Variants in ASCC3 observed in about 807,000 individuals in gnomAD.
ASCC3 encodes ASC-1 complex subunit P200.
In ASCC3, 158 loss-of-function variants were observed where a neutral mutation model predicts 256.3. The ratio of observed to expected loss-of-function variants is 0.62; its 90% CI spans 0.54 to 0.70. ASCC3 has a LOEUF of 0.70. Among genes scored for constraint, ASCC3 ranks in the 30% least tolerant of loss-of-function variants. The pLI is 0.00. For synonymous variants in ASCC3, 948 were observed against 883.4 expected (o/e 1.07, Z -1.30); for missense variants, 2,259 against 2,626.0 (o/e 0.86, Z 3.05).
chr6:100,833,194 A>C (rs1017534321), intron 4 of ASCC3, among the ~76,000 whole-genome samples: 2 of 152,200 alleles, frequency 1.3e-5, no homozygotes, highest in East Asian at 3.8e-4. Context: ...TAAGAAAAGA[A>C]ACCAATCTGA....
At chr6:100,554,992 A>C (rs1769496311) in intron 36 of ASCC3, among the ~76,000 whole-genome samples, 1 of 151,948 alleles carries the variant, frequency 6.6e-6, no homozygotes, top group African/African-American at 2.4e-5. Flanking sequence ...AAACTTTATA[A>C]ATCATATATC....
intron 37 of ASCC3, among the ~76,000 whole-genome samples, chr6:100,523,833 C>T (rs1417836403): frequency 3.3e-5 from 5 of 152,190 alleles, no homozygotes; most frequent in East Asian, 1.9e-4. Context: ...AGCTTGACAA[C>T]GTATCTTCTA....
intron 10 of ASCC3, among the ~76,000 whole-genome samples, chr6:100,733,506 C>T (rs1780006368): frequency 6.6e-6 from 1 of 152,178 alleles, no homozygotes; most frequent in Admixed American, 6.6e-5. Flanking sequence ...CTTTTGCTTT[C>T]CGCCACTTAG....
chr6:100,730,265 C>A (rs1779839816), intron 10 of ASCC3, among the ~76,000 whole-genome samples: 1 of 150,740 alleles, frequency 6.6e-6, no homozygotes, highest in Non-Finnish European at 1.5e-5. Flanking sequence ...CCACTGCACT[C>A]CAGCCTGGGA....
At chr6:100,873,132 T>TAAAACAAATAAA (rs144017505) in intron 1 of ASCC3, among the ~76,000 whole-genome samples, 1 of 151,668 alleles carries the variant, frequency 6.6e-6, no homozygotes, top group Non-Finnish European at 1.5e-5. Context: ...TTATGGAAAT[T>TAAAACAAATAAA]TAAATAAACA....
chr6:100,718,678 T>C (rs541362784), intron 11 of ASCC3, among the ~76,000 whole-genome samples: 1 of 152,240 alleles, frequency 6.6e-6, no homozygotes, highest in East Asian at 1.9e-4. Flanking sequence ...GAGGATCACT[T>C]GAGCCCATAT....
chr6:100,728,229 CA>C (rs1406745163), intron 10 of ASCC3, among the ~76,000 whole-genome samples: 1 of 150,548 alleles, frequency 6.6e-6, no homozygotes, highest in African/African-American at 2.4e-5. Flanking sequence ...TAAAAAAACA[CA>C]AAAAAGAAGG....
At chr6:100,651,668 T>G (rs554699484) in intron 18 of ASCC3, 22 bp from the exon 19 acceptor site, 121 of 1,249,794 alleles carry the variant, frequency 9.7e-5, no homozygotes, top group Middle Eastern at 8.0e-4. Flanking sequence ...AGTGTTATAT[T>G]TGATTAAAAT....
intron 30 of ASCC3, among the ~76,000 whole-genome samples, chr6:100,619,790 G>A (rs888457324): frequency 7.9e-5 from 12 of 151,710 alleles, no homozygotes; most frequent in African/African-American, 2.4e-4. Flanking sequence ...TGTAGAATAC[G>A]GCATTAGTTA....
chr6:100,868,694 T>G (rs547221951), intron 1 of ASCC3, among the ~76,000 whole-genome samples: 1 of 152,126 alleles, frequency 6.6e-6, no homozygotes, highest in East Asian at 1.9e-4. Context: ...CCCCAGCAAA[T>G]AGACAACAGA....
intron 36 of ASCC3, among the ~76,000 whole-genome samples, chr6:100,578,344 G>A (rs934996086): frequency 6.6e-6 from 1 of 151,846 alleles, no homozygotes; most frequent in Non-Finnish European, 1.5e-5. Context: ...GGTGGTTTGG[G>A]GTACAGATTA....
chr6:100,646,803 C>A, intron 21 of ASCC3, 34 bp from the exon 22 acceptor site: 1 of 1,605,342 alleles, frequency 6.2e-7, no homozygotes, highest in South Asian at 1.1e-5. Flanking sequence ...AGAAATGTGT[C>A]CAGGCAGAAA....
intron 36 of ASCC3, among the ~76,000 whole-genome samples, chr6:100,580,708 A>G (rs1234259129): frequency 2.0e-5 from 3 of 150,724 alleles, no homozygotes; most frequent in Non-Finnish European, 3.0e-5. Context: ...CATTAGGTAT[A>G]TCTCCCAATG....
intron 30 of ASCC3, among the ~76,000 whole-genome samples, chr6:100,614,499 A>G (rs911184678): frequency 2.0e-5 from 3 of 152,182 alleles, no homozygotes; most frequent in Admixed American, 2.0e-4. Flanking sequence ...CAACATTCCT[A>G]TGAGGATGGG....
Position 100,655,941 on chromosome 6 carries a change from T to C in ASCC3, c.2704-123A>G, listed in dbSNP as rs977842752. On this transcript the variant is annotated intron_variant, in intron 16 of 41. Transcript: ENST00000369162. ...TCATTATGCAGTATTTTTAAAAAGGTAGGCATAGTGACTGGACACAACACT... is the reference window on the plus strand; with the variant it reads ...TCATTATGCAGTATTTTTAAAAAGGCAGGCATAGTGACTGGACACAACACT... The C allele has an allele frequency of 1.3e-5, 15 of 1,152,020 alleles. No individual in the cohort carries two copies. In the Admixed American group the frequency reaches 2.1e-4, roughly 16 times the overall value. 71.4% of individuals were successfully genotyped at this position (1,152,020 alleles called of 1,614,324 possible).
At chr6:100,860,722 A>T (rs532773167) in intron 3 of ASCC3, among the ~76,000 whole-genome samples, 1 of 152,198 alleles carries the variant, frequency 6.6e-6, no homozygotes, top group Admixed American at 6.6e-5. Flanking sequence ...CAAGTACTCT[A>T]AATAAGTATG....
chr6:100,783,219 A>G (rs899435518), intron 8 of ASCC3, among the ~76,000 whole-genome samples: 1 of 152,120 alleles, frequency 6.6e-6, no homozygotes, highest in Non-Finnish European at 1.5e-5. Context: ...ATTCTACACC[A>G]TATGTCCCCT....
intron 10 of ASCC3, among the ~76,000 whole-genome samples, chr6:100,748,336 T>A (rs905176270): frequency 2.0e-5 from 3 of 151,436 alleles, no homozygotes; most frequent in African/African-American, 7.3e-5. Context: ...AAAAAAAAAA[T>A]GAGGAAGCAG....
At chr6:100,550,395 A>AT (rs1170179415) in intron 36 of ASCC3, among the ~76,000 whole-genome samples, 1 of 151,836 alleles carries the variant, frequency 6.6e-6, no homozygotes, top group Non-Finnish European at 1.5e-5. Flanking sequence ...ATACACTCCC[A>AT]TTTTCCCCTG....
Sources: allele counts gnomAD v4.1 joint callset (sites outside exome capture counted in the v4.1 genomes callset), GRCh38; gene constraint gnomAD v4.1.1; transcripts MANE v1.5; gene names NCBI Gene and HGNC (gene_info 2026-07-23, HGNC 2026-07-21).